The following MYT1L variants were observed in gnomAD, a reference collection of about 807,000 sequenced individuals.
MYT1L encodes myelin transcription factor 1-like protein.
In MYT1L, 12 loss-of-function variants were observed where a neutral mutation model predicts 126.7. The observed-to-expected ratio is 0.09, with a 90% CI of 0.06 to 0.15. MYT1L has a LOEUF of 0.15. Ranked by LOEUF, MYT1L falls within the 10% of genes least tolerant of loss-of-function variation. The pLI, the probability that MYT1L is intolerant of heterozygous loss-of-function variation, is 1.00. For missense variants in MYT1L, 979 were observed against 1,585.2 expected (o/e 0.62, Z 6.49); for synonymous variants, 541 against 604.2 (o/e 0.90, Z 1.53).
intron 18 of MYT1L, among the ~76,000 whole-genome samples, chr2:1,855,652 A>T (rs2043821452): frequency 1.3e-5 from 2 of 152,234 alleles, no homozygotes; most frequent in African/African-American, 2.4e-5. Context: ...TGCATTAAAT[A>T]AAACGCTTGG....
rs549059678 is a variant in MYT1L, at chr2:1,923,342, T to G, written c.506-79A>C. 1.2e-5 allele frequency: 14 copies of G among 1,193,806 alleles called. No homozygotes were observed. In the South Asian group the frequency reaches 1.8e-4, roughly 16 times the overall value. 74.0% of individuals were successfully genotyped at this position (1,193,806 alleles called of 1,614,324 possible). A position where few individuals can be genotyped will look rare whatever the true frequency, so the allele number is the denominator to read the frequency against. ...AACTGGAAGCTTAGTTGCAACAGCATGGATAGCACGTTAACTGCAAGTCAA... is the reference window on the plus strand; with the variant it reads ...AACTGGAAGCTTAGTTGCAACAGCAGGGATAGCACGTTAACTGCAAGTCAA... On this transcript the variant is annotated intron_variant, in intron 9 of 24. Transcript: ENST00000647738.
Position 1,910,380 on chromosome 2 carries a change from G to C in MYT1L, c.1710-33C>G. 1 of 1,560,470 alleles carries C rather than the reference G, an allele frequency of 6.4e-7. No individual in the cohort carries two copies. On this transcript the variant is annotated intron_variant, in intron 12 of 24. Transcript: ENST00000647738. This position sits in a 1 kb window ranked among gnomAD's most constrained non-coding sequence, Gnocchi z 4.8. Reference sequence around the variant, plus strand: ...CACAGAAAGCGGGTTGAATGGTCCCGCCTCAAACACCTTCACAGCACACTA... The same window carrying C: ...CACAGAAAGCGGGTTGAATGGTCCCCCCTCAAACACCTTCACAGCACACTA...
chr2:2,259,471 T>C (rs891723661), intron 2 of MYT1L, among the ~76,000 whole-genome samples: 3 of 151,928 alleles, frequency 2.0e-5, no homozygotes, highest in African/African-American at 7.3e-5. Context: ...TGTGGTATCC[T>C]TTCCTAATGT....
At chr2:2,125,318 G>A (rs954433273) in intron 3 of MYT1L, among the ~76,000 whole-genome samples, 8 of 152,118 alleles carry the variant, frequency 5.3e-5, no homozygotes, top group African/African-American at 1.7e-4. Context: ...ACAAAGATGA[G>A]CTATTGAAGA....
At chr2:2,073,009 A>G (rs1478263801) in intron 3 of MYT1L, among the ~76,000 whole-genome samples, 1 of 152,118 alleles carries the variant, frequency 6.6e-6, no homozygotes, top group Non-Finnish European at 1.5e-5. Flanking sequence ...TGGTTTGTAG[A>G]CAGTGTCTTC....
chr2:2,085,363 G>A (rs910547739), intron 3 of MYT1L, among the ~76,000 whole-genome samples: 5 of 152,064 alleles, frequency 3.3e-5, no homozygotes, highest in Admixed American at 6.5e-5. Context: ...TCTTGTGTGT[G>A]TTCACAGGCA....
chr2:2,044,768 G>A (rs565685145), intron 4 of MYT1L, among the ~76,000 whole-genome samples: 2 of 152,140 alleles, frequency 1.3e-5, no homozygotes, highest in Non-Finnish European at 2.9e-5. Flanking sequence ...CTTTAAAAGC[G>A]ATTGGTGTCT....
chr2:1,910,959 G>A lies in MYT1L; in HGVS notation c.1710-612C>T, dbSNP rs2051881729. Among the ~76,000 whole-genome samples, 1 of 152,204 alleles carries A rather than the reference G, an allele frequency of 6.6e-6. No homozygotes were observed. The highest frequency in any genetic ancestry group is 1.5e-5 in the Non-Finnish European group (1 of 68,038). On this transcript the variant is annotated intron_variant, in intron 12 of 24. Transcript: ENST00000647738. This position sits in a 1 kb window ranked among gnomAD's most constrained non-coding sequence, Gnocchi z 4.8. ...GAGGAGACAGCAGCTGGGCTCTTTT[G>A]TGTGCAAGCTCACTTTATGTGAAAT... is the stretch of plus-strand genomic sequence containing the variant.
chr2:2,107,251 A>G (rs534125689), intron 3 of MYT1L, among the ~76,000 whole-genome samples: 47 of 152,234 alleles, frequency 3.1e-4, no homozygotes, highest in African/African-American at 1.1e-3. Context: ...GTCGAGCACA[A>G]TCTCCTTCCT....
intron 3 of MYT1L, among the ~76,000 whole-genome samples, chr2:2,076,809 GAC>G (rs57282368): frequency 0.7 from 106,129 of 151,642 alleles, 38,716 homozygotes; most frequent in African/African-American, 0.93. Flanking sequence ...AGGAAAGTAT[GAC>G]ACACACACAC....
intron 2 of MYT1L, among the ~76,000 whole-genome samples, chr2:2,214,952 A>G (rs779552454): frequency 2.0e-5 from 3 of 152,220 alleles, no homozygotes; most frequent in Admixed American, 1.3e-4. Context: ...AAAAAATGGA[A>G]GAACAACATT....
At chr2:2,324,887 C>A (rs1300783926) in intron 1 of MYT1L, 4 of 152,278 alleles carry the variant, frequency 2.6e-5, no homozygotes, top group African/African-American at 9.6e-5. Context: ...GTGGATTAAA[C>A]CAGTAATTTC....
chr2:2,186,158 A>G (rs1307364765), intron 2 of MYT1L, among the ~76,000 whole-genome samples: 1 of 75,948 alleles, frequency 1.3e-5, no homozygotes, highest in African/African-American at 6.1e-5. Flanking sequence ...CGGGCCTCCC[A>G]GACGCCCGCG....
chr2:1,926,202 G>A (rs139198364), intron 9 of MYT1L, among the ~76,000 whole-genome samples: 57 of 152,224 alleles, frequency 3.7e-4, no homozygotes, highest in African/African-American at 1.3e-3. Context: ...TCAAGCTACC[G>A]GTATTTAACT....
intron 2 of MYT1L, among the ~76,000 whole-genome samples, chr2:2,254,732 T>C (rs1340441339): frequency 6.6e-6 from 1 of 152,234 alleles, no homozygotes; most frequent in African/African-American, 2.4e-5. Flanking sequence ...ATGAAAGTGC[T>C]TATTGTCATC....
rs1004181808 is a variant in MYT1L at position 1,943,013 on chromosome 2, C to T, written c.474G>A (p.Glu158=). ...CTTCTTCCTCTTCCTCCTCCTCCTC[C>T]TCCTCCTCTTCCTCTTCTTCATCCT... ...DVEDEEEEEE[E]EEEEEEEEEN... The change falls in exon 9 of 25, where the codon GAG becomes GAA. Residue 158 remains glutamate, a synonymous_variant. Coordinates refer to ENST00000647738, the MANE Select transcript of MYT1L (RefSeq NM_001303052.2). This position sits in a 1 kb window ranked among gnomAD's most constrained non-coding sequence, Gnocchi z 4.4. The T allele has an allele frequency of 2.2e-5, 33 of 1,533,218 alleles. 1 individual carries two copies. In the Admixed American group the frequency reaches 2.2e-4, roughly 10 times the overall value. 95.0% of individuals were successfully genotyped at this position (1,533,218 alleles called of 1,614,324 possible). A position where few individuals can be genotyped will look rare whatever the true frequency, so the allele number is the denominator to read the frequency against.
chr2:1,886,470 T>A (rs1292147923), intron 18 of MYT1L, 69 bp downstream of exon 18: 3 of 1,176,218 alleles, frequency 2.6e-6, no homozygotes, highest in Non-Finnish European at 3.5e-6. Flanking sequence ...GCAAATGACA[T>A]ATCATTTTTT....
chr2:2,233,197 C>A (rs1214427729), intron 2 of MYT1L, among the ~76,000 whole-genome samples: 1 of 152,324 alleles, frequency 6.6e-6, no homozygotes, highest in East Asian at 1.9e-4. Context: ...ATTTTACAGA[C>A]CTGAGCTTTC....
At chr2:2,016,246 G>C (rs993803229) in intron 4 of MYT1L, among the ~76,000 whole-genome samples, 1 of 152,220 alleles carries the variant, frequency 6.6e-6, no homozygotes, top group Non-Finnish European at 1.5e-5. Flanking sequence ...GCACAGACAC[G>C]TGATATGCCA....
Sources: allele counts gnomAD v4.1 joint callset (sites outside exome capture counted in the v4.1 genomes callset), GRCh38; gene constraint gnomAD v4.1.1; non-coding constraint Gnocchi (gnomAD v3.1); transcripts MANE v1.5; gene names NCBI Gene and HGNC (gene_info 2026-07-23, HGNC 2026-07-21).